Variants in CFAP20DC observed in about 807,000 individuals in gnomAD.
CFAP20DC encodes the protein CFAP20 domain containing, also known as protein CFAP20DC.
A neutral mutation model predicts 101.7 loss-of-function variants in CFAP20DC; 84 were observed. That is an observed-to-expected ratio of 0.83 (90% CI 0.69 to 0.99). The LOEUF is 0.99. Ranked by LOEUF, CFAP20DC falls within the 50% of genes least tolerant of loss-of-function variation. CFAP20DC has a pLI of 0.00. For synonymous variants in CFAP20DC, 359 were observed against 351.2 expected (o/e 1.02, Z -0.25); for missense variants, 1,007 against 970.3 (o/e 1.04, Z -0.50).
At chr3:58,812,710 G>A (rs1251638428) in intron 14 of CFAP20DC, among the ~76,000 whole-genome samples, 3 of 151,306 alleles carry the variant, frequency 2.0e-5, no homozygotes, top group Non-Finnish European at 4.4e-5. Context: ...TATAATAATA[G>A]TAAAATAAAA....
intron 14 of CFAP20DC, among the ~76,000 whole-genome samples, chr3:58,820,165 G>C (rs2107900921): frequency 6.6e-6 from 1 of 152,084 alleles, no homozygotes; most frequent in East Asian, 1.9e-4. Flanking sequence ...AGCTATCTAT[G>C]ACAAACCCAC....
At chr3:58,758,137 C>T (rs867044699) in intron 15 of CFAP20DC, among the ~76,000 whole-genome samples, 2 of 152,162 alleles carry the variant, frequency 1.3e-5, no homozygotes, top group Middle Eastern at 3.4e-3. Flanking sequence ...ACTCTGGTGG[C>T]ATTTTGTTTG....
At chr3:58,731,812 T>A (rs2067651468) in intron 3 of CFAP20DC, among the ~76,000 whole-genome samples, 1 of 152,182 alleles carries the variant, frequency 6.6e-6, no homozygotes, top group Non-Finnish European at 1.5e-5. Flanking sequence ...AAAGGCGCCA[T>A]GATTAATGCT....
At chr3:58,741,996 G>C, downstream of CFAP20DC, 14 of 805,716 alleles carry the variant, frequency 1.7e-5, no homozygotes, top group Non-Finnish European at 2.0e-5. Flanking sequence ...AAAAGAAGCA[G>C]TTTAAAAGCT....
chr3:58,737,357 C>A, downstream of CFAP20DC: 2 of 402,656 alleles, frequency 5.0e-6, no homozygotes, highest in Non-Finnish European at 9.8e-6. The surrounding 1 kb of genome is among the most constrained non-coding windows in gnomAD (Gnocchi z 4.1). Flanking sequence ...ACCAAACAAG[C>A]AAGCAAGCAA....
rs1277789362 is a variant in CFAP20DC at position 59,006,363 on chromosome 3, C to T, written c.278+33194G>A. 1.3e-5 allele frequency among the ~76,000 whole-genome samples: 2 copies of T among 152,160 alleles called. No homozygotes were observed. The highest frequency in any genetic ancestry group is 2.4e-5 in the African/African-American group (1 of 41,430). On this transcript the variant is annotated intron_variant, in intron 4 of 16. Coordinates refer to ENST00000482387, the MANE Select transcript of CFAP20DC (RefSeq NM_001394063.1). The surrounding 1 kb of genome is among the most constrained non-coding windows in gnomAD (Gnocchi z 4.3). ...ACTGAATAATGTGTGGAGACTCACA[C>T]CATGAACTTTCTTTCCAAGTACCAC... is the stretch of plus-strand genomic sequence containing the variant.
chr3:59,032,470 A>ACAG (rs1180465620), intron 4 of CFAP20DC, among the ~76,000 whole-genome samples: 1 of 152,190 alleles, frequency 6.6e-6, no homozygotes, highest in Non-Finnish European at 1.5e-5. Context: ...CGCTGCCAGC[A>ACAG]CAGCAGTCTA....
Position 58,728,896 on chromosome 3 carries a change from G to C in CFAP20DC, c.198-11268C>G, listed in dbSNP as rs2067595206. 6.6e-6 allele frequency among the ~76,000 whole-genome samples: 1 copy of C among 152,118 alleles called. No homozygotes were observed. The highest frequency in any genetic ancestry group is 2.1e-4 in the South Asian group (1 of 4,816). The stretch of plus-strand genomic sequence containing the variant: ...TCTCTACCGCATTGACTCAGAGCTG[G>C]TCTGTGTGACCAATCAAGTATGGAT... On this transcript the variant is annotated intron_variant, in intron 3 of 3. Transcript: ENST00000486145. This position sits in a 1 kb window ranked among gnomAD's most constrained non-coding sequence, Gnocchi z 4.7.
At chr3:58,836,210 T>C (rs2076726883) in intron 13 of CFAP20DC, among the ~76,000 whole-genome samples, 1 of 152,150 alleles carries the variant, frequency 6.6e-6, no homozygotes, top group African/African-American at 2.4e-5. Context: ...ATCAGGGCAA[T>C]TGAGAGCTAT....
At chr3:58,816,208 T>C (rs1231970047) in intron 14 of CFAP20DC, among the ~76,000 whole-genome samples, 1 of 151,998 alleles carries the variant, frequency 6.6e-6, no homozygotes, top group African/African-American at 2.4e-5. Flanking sequence ...ATGTCCTTTG[T>C]AGGGACATGG....
chr3:58,763,857 T>C (rs533472481), intron 15 of CFAP20DC, among the ~76,000 whole-genome samples: 19 of 152,302 alleles, frequency 1.2e-4, no homozygotes, highest in African/African-American at 3.4e-4. Flanking sequence ...ACAGTGGATA[T>C]TGGTGAACAG....
intron 4 of CFAP20DC, among the ~76,000 whole-genome samples, chr3:59,016,546 T>C (rs2093693647): frequency 1.3e-5 from 2 of 152,110 alleles, no homozygotes; most frequent in Admixed American, 6.5e-5. Flanking sequence ...ATGTTTATTA[T>C]ACAAAGAAAT....
rs72881619 is a variant in CFAP20DC at position 58,778,984 on chromosome 3, C to A, written c.2238-25121G>T. ...GAAAAATTTCTCCCCAATAAAAGCA[C>A]ATTCAAATTATTGGAAGAAGTGACA... On this transcript the variant is annotated intron_variant, in intron 15 of 16. Coordinates refer to ENST00000482387, the MANE Select transcript of CFAP20DC (RefSeq NM_001394063.1). 1.2e-4 allele frequency among the ~76,000 whole-genome samples: 19 copies of A among 152,276 alleles called. No individual in the cohort carries two copies. In the East Asian group the frequency reaches 3.7e-3, roughly 29 times the overall value.
chr3:58,881,823 T>A (rs1048668293), intron 7 of CFAP20DC, among the ~76,000 whole-genome samples: 4 of 152,134 alleles, frequency 2.6e-5, no homozygotes, highest in African/African-American at 9.6e-5. Flanking sequence ...GTAGTTCAAA[T>A]GAAGAAATAT....
At chr3:58,958,338 T>C (rs951381051) in intron 4 of CFAP20DC, among the ~76,000 whole-genome samples, 8 of 152,206 alleles carry the variant, frequency 5.3e-5, no homozygotes, top group African/African-American at 1.9e-4. Flanking sequence ...TTAAGATTCA[T>C]TCATATTGCA....
Position 58,894,762 on chromosome 3 carries a change from C to T in CFAP20DC, c.551-10053G>A, listed in dbSNP as rs112792551. Among the ~76,000 whole-genome samples, 13 of 152,328 alleles carry T rather than the reference C, an allele frequency of 8.5e-5. No homozygotes were observed. The highest frequency in any genetic ancestry group is 2.9e-4 in the African/African-American group (12 of 41,584). Reference sequence around the variant, plus strand: ...AATCCCACATTTCCCTTCTGCACTGCCCTAGCTGAGGTTCTCATGAGGGCC... The same window carrying T: ...AATCCCACATTTCCCTTCTGCACTGTCCTAGCTGAGGTTCTCATGAGGGCC... On this transcript the variant is annotated intron_variant, in intron 6 of 16. Coordinates refer to ENST00000482387, the MANE Select transcript of CFAP20DC (RefSeq NM_001394063.1). This position sits in a 1 kb window ranked among gnomAD's most constrained non-coding sequence, Gnocchi z 4.1.
intron 4 of CFAP20DC, among the ~76,000 whole-genome samples, chr3:58,996,161 T>G (rs1012158511): frequency 2.0e-5 from 3 of 152,126 alleles, no homozygotes; most frequent in Admixed American, 1.3e-4. Flanking sequence ...CATAATTGGG[T>G]TTTCCAGTAA....
chr3:59,004,052 A>AAT (rs760637449), intron 4 of CFAP20DC, among the ~76,000 whole-genome samples: 6 of 152,160 alleles, frequency 3.9e-5, no homozygotes, highest in Non-Finnish European at 4.4e-5. Context: ...TTTTACTGTA[A>AAT]ATACTTTCAA....
At chr3:58,853,450 T>C (rs898914401) in intron 12 of CFAP20DC, among the ~76,000 whole-genome samples, 36 of 152,092 alleles carry the variant, frequency 2.4e-4, no homozygotes, top group African/African-American at 8.0e-4. Flanking sequence ...TTCCAATCAA[T>C]AGAAAAAGAG....
Sources: gnomAD v4.1 joint callset for allele counts (sites outside exome capture counted in the v4.1 genomes callset) on GRCh38, gnomAD v4.1.1 for gene constraint, Gnocchi (gnomAD v3.1) non-coding constraint, MANE v1.5 for transcripts, NCBI Gene and HGNC (gene_info 2026-07-23, HGNC 2026-07-21) for gene names.